PRDM2: variants seen among roughly 807,000 people sequenced by gnomAD.
PRDM2 encodes PR domain zinc finger protein 2.
PRDM2 carries 30 observed loss-of-function variants against 130.0 expected under a neutral mutation model. That is an observed-to-expected ratio of 0.23 (90% CI 0.17 to 0.31). The LOEUF is 0.31. Ranked by LOEUF, PRDM2 falls within the 10% of genes least tolerant of loss-of-function variation. PRDM2 has a pLI of 1.00. For synonymous variants in PRDM2, 871 were observed against 782.4 expected (o/e 1.11, Z -1.89); for missense variants, 2,011 against 2,108.4 (o/e 0.95, Z 0.90).
chr1:13,759,504 T>C (rs1427935123), intron 6 of PRDM2, among the ~76,000 whole-genome samples: 3 of 152,204 alleles, frequency 2.0e-5, no homozygotes, highest in African/African-American at 7.2e-5. Context: ...TTGTCTTTCA[T>C]GTTTGGGATT....
chr1:13,763,597 C>T (rs1203635), intron 6 of PRDM2, among the ~76,000 whole-genome samples: 26,102 of 152,112 alleles, frequency 0.17, 2,837 homozygotes, highest in Admixed American at 0.24. Flanking sequence ...AAAGTAGAGG[C>T]TTTTTCCAAA....
At chr1:13,789,328 CTA>C (rs749192863) in intron 8 of PRDM2, among the ~76,000 whole-genome samples, 18 of 152,230 alleles carry the variant, frequency 1.2e-4, no homozygotes, top group Non-Finnish European at 2.2e-4. Context: ...CAAGTACTTT[CTA>C]GCAAGATAAT....
intron 9 of PRDM2, among the ~76,000 whole-genome samples, chr1:13,819,395 C>T (rs1283629032): frequency 6.6e-6 from 1 of 152,236 alleles, no homozygotes; most frequent in Admixed American, 6.5e-5. Context: ...AGAGGCCTAA[C>T]GTCATTTGCC....
At chr1:13,727,839 A>G (rs1009078597) in intron 2 of PRDM2, among the ~76,000 whole-genome samples, 5 of 152,210 alleles carry the variant, frequency 3.3e-5, no homozygotes, top group Non-Finnish European at 7.3e-5. Flanking sequence ...ATTCTTTAGT[A>G]TAAGAATCAA....
chr1:13,728,804 A>G (rs879435543), intron 2 of PRDM2, among the ~76,000 whole-genome samples: 5 of 152,108 alleles, frequency 3.3e-5, no homozygotes, highest in Non-Finnish European at 5.9e-5. Flanking sequence ...TTCTCTGCTG[A>G]GGTCCTTCAT....
In PRDM2 at chr1:13,812,486, C is replaced by T. The variant is rs948151794; in HGVS notation, c.5037-3941C>T. On this transcript the variant is annotated intron_variant, in intron 8 of 9. Coordinates refer to ENST00000311066, the MANE Select transcript of PRDM2 (RefSeq NM_001393986.1). ...TTGGGCTTTAGTTGTAACAACAACA[C>T]GTTTGGCAGTGCCATTTCCTGAGAA... is the stretch of plus-strand genomic sequence containing the variant. Among the ~76,000 whole-genome samples the T allele has an allele frequency of 3.9e-5, 6 of 152,152 alleles. No homozygotes were observed. In the East Asian group the frequency reaches 7.7e-4, roughly 20 times the overall value.
intron 1 of PRDM2, among the ~76,000 whole-genome samples, chr1:13,715,244 G>A (rs1259743413): frequency 6.6e-6 from 1 of 152,184 alleles, no homozygotes. Flanking sequence ...TATTAAGAAA[G>A]CTAATTTATT....
chr1:13,820,495 T>C (rs1645331606), intron 9 of PRDM2, among the ~76,000 whole-genome samples: 1 of 152,218 alleles, frequency 6.6e-6, no homozygotes. Context: ...CCCCGTGTCT[T>C]TCCTACCCCA....
rs569594019 is a variant in PRDM2, at chr1:13,792,389, C to T, written c.5036+9558C>T. 4.6e-5 allele frequency among the ~76,000 whole-genome samples: 7 copies of T among 152,210 alleles called. No individual in the cohort carries two copies. In the East Asian group the frequency reaches 5.8e-4, roughly 13 times the overall value. On this transcript the variant is annotated intron_variant, in intron 8 of 9. Coordinates refer to ENST00000311066, the MANE Select transcript of PRDM2 (RefSeq NM_001393986.1). Reference sequence around the variant, plus strand: ...TTCAGTGTACAGCAGTTGAATTTGTCGTAGCATTTAATCATTGGCCCAAAA... The same window carrying T: ...TTCAGTGTACAGCAGTTGAATTTGTTGTAGCATTTAATCATTGGCCCAAAA...
chr1:13,782,846 T>A lies in PRDM2; in HGVS notation c.5036+15T>A. On this transcript the variant is annotated intron_variant, in intron 8 of 9. Transcript: ENST00000311066. ...AAGGACTTCAGGTAAGCTCAGGAGC[T>A]GGTGGGAGGGAAAGACCGGGAAGGC... is the stretch of plus-strand genomic sequence containing the variant. 1 of 1,608,264 alleles carries A rather than the reference T, an allele frequency of 6.2e-7. No individual in the cohort carries two copies. Among genetic ancestry groups the A allele is most frequent in the Non-Finnish European group, 8.5e-7 (1 of 1,179,566 alleles).
intron 4 of PRDM2, among the ~76,000 whole-genome samples, chr1:13,740,535 A>G (rs1286148037): frequency 1.3e-5 from 2 of 152,192 alleles, no homozygotes; most frequent in Non-Finnish European, 1.5e-5. Flanking sequence ...GGTGCTCATT[A>G]GATGTTGGTA....
At chr1:13,793,908 G>A (rs958194614) in intron 8 of PRDM2, among the ~76,000 whole-genome samples, 2 of 152,214 alleles carry the variant, frequency 1.3e-5, no homozygotes, top group Admixed American at 1.3e-4. Flanking sequence ...TGGGCTGCAG[G>A]TCGGACAAGC....
chr1:13,808,200 G>A (rs1048001167), intron 8 of PRDM2, among the ~76,000 whole-genome samples: 1 of 152,132 alleles, frequency 6.6e-6, no homozygotes, highest in Non-Finnish European at 1.5e-5. Flanking sequence ...TCTAAAAACA[G>A]TTGATGCTGG....
chr1:13,783,031 G>A, intron 8 of PRDM2, 200 bp downstream of exon 8: 1 of 1,274,396 alleles, frequency 7.8e-7, no homozygotes, highest in Non-Finnish European at 1.1e-6. Flanking sequence ...TCAGACTTAG[G>A]ACTCACAAAG....
In PRDM2 at chr1:13,780,153, G is replaced by A. The variant is rs768692729; in HGVS notation, c.2358G>A (p.Leu786=). 1.5e-5 allele frequency: 24 copies of A among 1,605,636 alleles called. No homozygotes were observed. The highest frequency in any genetic ancestry group is 1.9e-5 in the Non-Finnish European group (22 of 1,175,032). The change falls in exon 8 of 10, where the codon TTG becomes TTA. Residue 786 remains leucine (L), a synonymous_variant. Coordinates refer to ENST00000311066, the MANE Select transcript of PRDM2 (RefSeq NM_001393986.1). ...ESHSDSPAWS[L]SGRDERETVS... ...ACAGCGACTCACCAGCATGGAGTTT[G>A]TCTGGGAGAGATGAGAGAGAAACTG...
Position 13,806,068 on chromosome 1 carries a change from T to G in PRDM2, c.5037-10359T>G, listed in dbSNP as rs1645081391. Among the ~76,000 whole-genome samples the G allele has an allele frequency of 1.3e-5, 2 of 152,190 alleles. No individual in the cohort carries two copies. Among genetic ancestry groups the G allele is most frequent in the East Asian group, 3.9e-4 (2 of 5,166 alleles). On this transcript the variant is annotated intron_variant, in intron 8 of 9. Coordinates refer to ENST00000311066, the MANE Select transcript of PRDM2 (RefSeq NM_001393986.1). The surrounding 1 kb of genome is among the most constrained non-coding windows in gnomAD (Gnocchi z 4.1). Reference sequence around the variant, plus strand: ...TTCTTGAGGAGCCATCAAACCAAGGTTATCAGCAGCCCCCAGGATGCTCAA... The same window carrying G: ...TTCTTGAGGAGCCATCAAACCAAGGGTATCAGCAGCCCCCAGGATGCTCAA...
intron 9 of PRDM2, among the ~76,000 whole-genome samples, chr1:13,821,431 CATTTATTTATTTATTTATTT>C (rs112704883): frequency 7.2e-6 from 1 of 138,200 alleles, no homozygotes; most frequent in Non-Finnish European, 1.6e-5. Context: ...ATGCAGTGAA[CATTTATTTATTTATTTATTT>C]ATTTATTTAT....
intron 6 of PRDM2, among the ~76,000 whole-genome samples, chr1:13,763,447 T>C (rs1195599485): frequency 3.9e-5 from 6 of 152,216 alleles, no homozygotes; most frequent in Non-Finnish European, 2.9e-5. Flanking sequence ...TTAAAGTCTT[T>C]ATAACTGTGT....
intron 6 of PRDM2, among the ~76,000 whole-genome samples, chr1:13,762,748 C>T (rs1258267459): frequency 1.3e-5 from 2 of 152,222 alleles, no homozygotes; most frequent in Non-Finnish European, 2.9e-5. Context: ...TTAGCAAGGC[C>T]AGGTCCACAG....
Sources: gnomAD v4.1 joint callset for allele counts (sites outside exome capture counted in the v4.1 genomes callset) on GRCh38, gnomAD v4.1.1 for gene constraint, Gnocchi (gnomAD v3.1) non-coding constraint, MANE v1.5 for transcripts, NCBI Gene and HGNC (gene_info 2026-07-23, HGNC 2026-07-21) for gene names.